The following TCF4 variants were observed in gnomAD, a reference collection of about 807,000 sequenced individuals.
TCF4 encodes SL3-3 enhancer factor 2.
TCF4 carries 3 observed loss-of-function variants against 82.1 expected under a neutral mutation model. The observed-to-expected ratio is 0.04, with a 90% CI of 0.02 to 0.09. The LOEUF is 0.09. Ranked by LOEUF, TCF4 falls within the 10% of genes least tolerant of loss-of-function variation. The pLI is 1.00. For synonymous variants in TCF4, 276 were observed against 309.6 expected (o/e 0.89, Z 1.14); for missense variants, 518 against 852.7 (o/e 0.61, Z 4.89).
chr18:55,419,118 C>A (rs2094632706), intron 5 of TCF4, among the ~76,000 whole-genome samples: 1 of 152,166 alleles, frequency 6.6e-6, no homozygotes, highest in African/African-American at 2.4e-5. Flanking sequence ...TCAACTCCTA[C>A]CTTGTTAACA....
intron 8 of TCF4, among the ~76,000 whole-genome samples, chr18:55,330,909 TA>T (rs2077463756): frequency 6.6e-6 from 1 of 152,230 alleles, no homozygotes; most frequent in Non-Finnish European, 1.5e-5. Flanking sequence ...TAGCTTTGTC[TA>T]AATCTGTTTC....
chr18:55,458,860 A>G (rs1484404602), intron 5 of TCF4, among the ~76,000 whole-genome samples: 1 of 152,170 alleles, frequency 6.6e-6, no homozygotes, highest in African/African-American at 2.4e-5. Context: ...CATACCGCGC[A>G]ATACCCTCTC....
intron 2 of TCF4, among the ~76,000 whole-genome samples, chr18:55,600,865 C>T (rs1377638790): frequency 1.3e-5 from 2 of 152,108 alleles, no homozygotes; most frequent in Non-Finnish European, 1.5e-5. Flanking sequence ...TAGAGTGTAA[C>T]AAGTATTTAC....
chr18:55,403,416 A>T, intron 6 of TCF4, 38 bp downstream of exon 6: 2 of 1,610,332 alleles, frequency 1.2e-6, no homozygotes, highest in Middle Eastern at 1.7e-4. Flanking sequence ...TACCAGGTTA[A>T]TCCTCTCAAC....
At chr18:55,400,566 T>C (rs965409642) in intron 6 of TCF4, among the ~76,000 whole-genome samples, 3 of 152,172 alleles carry the variant, frequency 2.0e-5, no homozygotes, top group African/African-American at 7.2e-5. Flanking sequence ...TGAAAACAAC[T>C]TAATTGCTAA....
chr18:55,442,888 T>C (rs1416860327), intron 5 of TCF4, among the ~76,000 whole-genome samples: 7 of 152,244 alleles, frequency 4.6e-5, no homozygotes, highest in Admixed American at 2.0e-4. Context: ...CTCTAGGTTG[T>C]AACCAGCCCA....
chr18:55,606,979 T>C (rs2097702740), intron 2 of TCF4, among the ~76,000 whole-genome samples: 1 of 152,072 alleles, frequency 6.6e-6, no homozygotes, highest in Non-Finnish European at 1.5e-5. Context: ...GGTCTGCACA[T>C]CTCAGAGGGA....
intron 6 of TCF4, among the ~76,000 whole-genome samples, chr18:55,361,845 A>G (rs1446516436): frequency 2.0e-5 from 3 of 152,206 alleles, no homozygotes; most frequent in Admixed American, 6.5e-5. Context: ...TTTAATATGA[A>G]GAACCCCTCA....
intron 8 of TCF4, among the ~76,000 whole-genome samples, chr18:55,305,682 G>A (rs1209432718): frequency 6.6e-6 from 1 of 152,074 alleles, no homozygotes. Context: ...AATGGAGGTG[G>A]GTGATCTTAT....
intron 9 of TCF4, among the ~76,000 whole-genome samples, chr18:55,276,647 T>C (rs1444781290): frequency 2.0e-5 from 3 of 152,242 alleles, no homozygotes; most frequent in Non-Finnish European, 4.4e-5. Flanking sequence ...TCTACATTAC[T>C]GCTAAATTCA....
intron 3 of TCF4, among the ~76,000 whole-genome samples, chr18:55,541,176 CATT>C (rs2097162198): frequency 6.6e-6 from 1 of 151,942 alleles, no homozygotes; most frequent in Non-Finnish European, 1.5e-5. Context: ...TCATTATACA[CATT>C]ATTATCTTTA....
intron 3 of TCF4, among the ~76,000 whole-genome samples, chr18:55,509,540 G>A (rs1489690189): frequency 6.6e-6 from 1 of 152,164 alleles, no homozygotes; most frequent in Non-Finnish European, 1.5e-5. Context: ...AGAATGGACT[G>A]TTGAAAGAAT....
chr18:55,492,988 A>G (rs2096591822), intron 3 of TCF4, among the ~76,000 whole-genome samples: 1 of 152,188 alleles, frequency 6.6e-6, no homozygotes, highest in Admixed American at 6.5e-5. Flanking sequence ...AGAATGGACA[A>G]AAGCCATCGA....
chr18:55,391,973 T>TTC (rs2093151447), intron 6 of TCF4, among the ~76,000 whole-genome samples: 1 of 98,160 alleles, frequency 1.0e-5, no homozygotes, highest in African/African-American at 4.2e-5. Context: ...TTTTTTTTTT[T>TTC]TTTTTTTTGA....
At chr18:55,545,542 G>C (rs762830749) in intron 3 of TCF4, among the ~76,000 whole-genome samples, 1 of 151,946 alleles carries the variant, frequency 6.6e-6, no homozygotes, top group Non-Finnish European at 1.5e-5. Flanking sequence ...TCTGCCTCCC[G>C]GGTTCAAGCA....
chr18:55,633,242 C>T lies in TCF4; in HGVS notation c.196-1854G>A, dbSNP rs2097733133. Among the ~76,000 whole-genome samples the T allele has an allele frequency of 6.6e-6, 1 of 152,184 alleles. No homozygotes were observed. Among genetic ancestry groups the T allele is most frequent in the African/African-American group, 2.4e-5 (1 of 41,444 alleles). ...TCAGCAAGTTCCTCTAAAGGATTGA[C>T]CAAGCCTGCAGTATCAGCTTCTAAG... On this transcript the variant is annotated intron_variant, in intron 1 of 20. Transcript: ENST00000398339. The surrounding 1 kb of genome is among the most constrained non-coding windows in gnomAD (Gnocchi z 4.0).
At chr18:55,477,489 G>A (rs143264374) in intron 3 of TCF4, among the ~76,000 whole-genome samples, 4 of 152,148 alleles carry the variant, frequency 2.6e-5, no homozygotes, top group Non-Finnish European at 2.9e-5. Flanking sequence ...AGCTAGCAAC[G>A]TACATTTTTA....
chr18:55,375,483 T>A (rs977887279), intron 6 of TCF4, among the ~76,000 whole-genome samples: 4 of 152,142 alleles, frequency 2.6e-5, no homozygotes, highest in African/African-American at 9.6e-5. Context: ...GTCAACAAAA[T>A]GCGAAGCTGA....
At chr18:55,635,310 G>A (rs2097735231) in intron 1 of TCF4, among the ~76,000 whole-genome samples, 1 of 152,004 alleles carries the variant, frequency 6.6e-6, no homozygotes, top group Non-Finnish European at 1.5e-5. Flanking sequence ...GGAATTCGAG[G>A]CCAGCCCAAC....
Sources: gnomAD v4.1 joint callset for allele counts (sites outside exome capture counted in the v4.1 genomes callset) on GRCh38, gnomAD v4.1.1 for gene constraint, Gnocchi (gnomAD v3.1) non-coding constraint, MANE v1.5 for transcripts, NCBI Gene and HGNC (gene_info 2026-07-23, HGNC 2026-07-21) for gene names.